Variants in SLC8A3 observed in about 807,000 individuals in gnomAD.
The protein encoded by SLC8A3 is solute carrier family 8 member A3, also known as sodium/calcium exchanger 3.
SLC8A3 carries 37 observed loss-of-function variants against 65.4 expected under a neutral mutation model. That is an observed-to-expected ratio of 0.57 (90% CI 0.44 to 0.74). The LOEUF (loss-of-function observed/expected upper bound fraction) is 0.74, where lower values mean the gene tolerates loss of function less well. Among genes scored for constraint, SLC8A3 ranks in the 30% least tolerant of loss-of-function variants. The probability of loss-of-function intolerance (pLI) is 0.00; values close to 1 mark genes in which losing one functional copy is unlikely to be tolerated. For synonymous variants in SLC8A3, 461 were observed against 444.5 expected (o/e 1.04, Z -0.47); for missense variants, 1,112 against 1,172.1 (o/e 0.95, Z 0.75).
intron 1 of SLC8A3, among the ~76,000 whole-genome samples, chr14:70,178,892 T>C (rs1882473704): frequency 1.3e-5 from 2 of 152,218 alleles, no homozygotes; most frequent in African/African-American, 2.4e-5. Flanking sequence ...GAAAGTCTCT[T>C]TAAAATGTAA....
At chr14:70,152,774 C>T (rs77086208) in intron 2 of SLC8A3, among the ~76,000 whole-genome samples, 1,992 of 152,330 alleles carry the variant, frequency 0.013, 20 homozygotes, top group Non-Finnish European at 0.018. Context: ...GAACTGCGTC[C>T]AATCTGGGCT....
At chr14:70,069,523 C>A (rs187438499) in intron 2 of SLC8A3, among the ~76,000 whole-genome samples, 7 of 152,038 alleles carry the variant, frequency 4.6e-5, no homozygotes, top group South Asian at 4.1e-4. Context: ...GAGCTGCGAA[C>A]CTTTCCATGG....
rs1594871624 is a variant in SLC8A3 at position 70,044,311 on chromosome 14, G to A, written c.*1636C>T. The A allele has an allele frequency of 1.3e-5, 2 of 151,120 alleles. No individual in the cohort carries two copies. Among genetic ancestry groups the A allele is most frequent in the South Asian group, 2.1e-4 (1 of 4,770 alleles). 9.4% of individuals were successfully genotyped at this position (151,120 alleles called of 1,614,324 possible). A position where few individuals can be genotyped will look rare whatever the true frequency, so the allele number is the denominator to read the frequency against. ...CAACATAGCTTATGACATGAGCACT[G>A]TTTCTTTTTTAATTATTTTTTTCTT... On this transcript the variant is annotated 3_prime_UTR_variant, in exon 7 of 7. Transcript: ENST00000356921.
At chr14:70,131,028 G>C (rs1057253288) in intron 2 of SLC8A3, among the ~76,000 whole-genome samples, 20 of 152,326 alleles carry the variant, frequency 1.3e-4, no homozygotes, top group Non-Finnish European at 2.9e-5. Context: ...AGGGGACAAG[G>C]ACAGGACCCT....
intron 1 of SLC8A3, among the ~76,000 whole-genome samples, 158 bp from the exon 2 acceptor site, chr14:70,168,642 C>A (rs943667759): frequency 1.3e-5 from 2 of 152,168 alleles, no homozygotes; most frequent in Admixed American, 1.3e-4. Context: ...ATGGGAGGCA[C>A]AAATAGCTGC....
intron 2 of SLC8A3, among the ~76,000 whole-genome samples, chr14:70,165,397 TTCC>T (rs879289487): frequency 2.6e-5 from 4 of 152,182 alleles, no homozygotes; most frequent in Non-Finnish European, 4.4e-5. Flanking sequence ...CATGAGTTCC[TTCC>T]TCCTCCTCTT....
intron 2 of SLC8A3, among the ~76,000 whole-genome samples, chr14:70,126,555 C>CTCTCTCTCTA (rs1372648438): frequency 1.4e-5 from 1 of 72,634 alleles, no homozygotes; most frequent in Non-Finnish European, 3.4e-5. Context: ...AATTCTCTCT[C>CTCTCTCTCTA]TCTCTCTCTC....
intron 2 of SLC8A3, among the ~76,000 whole-genome samples, chr14:70,138,233 G>C (rs1895344338): frequency 6.6e-6 from 1 of 152,114 alleles, no homozygotes; most frequent in Non-Finnish European, 1.5e-5. Flanking sequence ...CAAATAAAGA[G>C]AGCAGCCACT....
intron 2 of SLC8A3, among the ~76,000 whole-genome samples, chr14:70,155,521 C>T (rs932335988): frequency 3.3e-5 from 5 of 152,138 alleles, no homozygotes; most frequent in Non-Finnish European, 7.3e-5. Flanking sequence ...ACTCTGTGTT[C>T]GCGGGTAAAT....
In SLC8A3 at chr14:70,060,890, C is replaced by T. The variant is rs772551392; in HGVS notation, c.1834G>A (p.Glu612Lys). 1.3e-6 allele frequency: 2 copies of T among 1,530,936 alleles called. No individual in the cohort carries two copies. The highest frequency in any genetic ancestry group is 1.7e-6 in the Non-Finnish European group (2 of 1,143,820). The allele number at this position is 1,530,936 out of a possible 1,614,324, so 94.8% of individuals were successfully genotyped here. The change falls in exon 3 of 7, where the codon GAG (glutamate) becomes AAG (lysine). Residue 612 changes from glutamate (E) to lysine (K), a missense_variant. Transcript: ENST00000356921. ...IVDEEEYERQ[E>K]NFFIALGEPK... is the part of the protein sequence containing the mutation. ...TCACCAAGGGCAATGAAGAAATTCTCTTGCCTTTCGTATTCCTCCTCATCT... is the reference window on the plus strand; with the variant it reads ...TCACCAAGGGCAATGAAGAAATTCTTTTGCCTTTCGTATTCCTCCTCATCT...
At chr14:70,147,643 A>G (rs1481180864) in intron 2 of SLC8A3, among the ~76,000 whole-genome samples, 1 of 152,116 alleles carries the variant, frequency 6.6e-6, no homozygotes, top group East Asian at 1.9e-4. Flanking sequence ...GATGTGAGAG[A>G]TTCTCTCTCC....
At chr14:70,096,029 GT>G (rs1892154892) in intron 2 of SLC8A3, among the ~76,000 whole-genome samples, 4 of 152,024 alleles carry the variant, frequency 2.6e-5, no homozygotes, top group Admixed American at 2.6e-4. Context: ...CTACAGGTGT[GT>G]GCCACCACGC....
intron 2 of SLC8A3, among the ~76,000 whole-genome samples, chr14:70,118,308 G>C (rs948254958): frequency 2.6e-5 from 4 of 152,168 alleles, no homozygotes; most frequent in Non-Finnish European, 5.9e-5. Context: ...AAATGCTCCT[G>C]CTTTATACCC....
Position 70,046,399 on chromosome 14 carries a change from A to G in SLC8A3, c.2390-76T>C. The G allele has an allele frequency of 6.2e-6, 9 of 1,458,430 alleles. No homozygotes were observed. The highest frequency in any genetic ancestry group is 8.3e-6 in the Non-Finnish European group (9 of 1,083,660). The allele number at this position is 1,458,430 out of a possible 1,614,324, so 90.3% of individuals were successfully genotyped here. On this transcript the variant is annotated intron_variant, in intron 6 of 6. Coordinates refer to ENST00000356921, the MANE Select transcript of SLC8A3 (RefSeq NM_182932.3). This position sits in a 1 kb window ranked among gnomAD's most constrained non-coding sequence, Gnocchi z 4.2. Reference sequence around the variant, plus strand: ...GGGCTTGTCTTCCAGTATGCCCAAAAAGCAGCTTGAGCTGGTGGGCTGAAC... The same window carrying G: ...GGGCTTGTCTTCCAGTATGCCCAAAGAGCAGCTTGAGCTGGTGGGCTGAAC...
chr14:70,120,354 T>A (rs1893971481), intron 2 of SLC8A3, among the ~76,000 whole-genome samples: 1 of 152,204 alleles, frequency 6.6e-6, no homozygotes, highest in Non-Finnish European at 1.5e-5. Context: ...TGACTCTTGG[T>A]TACAACTTCT....
intron 2 of SLC8A3, among the ~76,000 whole-genome samples, chr14:70,140,940 G>A (rs897190136): frequency 2.0e-5 from 3 of 152,196 alleles, no homozygotes; most frequent in African/African-American, 7.2e-5. Flanking sequence ...TTCTCTGGAT[G>A]CTTTATAGCA....
chr14:70,055,829 T>C (rs1888052592), intron 3 of SLC8A3: 5 of 1,608,860 alleles, frequency 3.1e-6, no homozygotes, highest in African/African-American at 2.7e-5. Flanking sequence ...TGCAAATGGA[T>C]ACCAGAAAAA....
At chr14:70,101,763 C>T (rs975203997) in intron 2 of SLC8A3, among the ~76,000 whole-genome samples, 1 of 152,196 alleles carries the variant, frequency 6.6e-6, no homozygotes, top group African/African-American at 2.4e-5. Flanking sequence ...TGCAAACTTA[C>T]AATCTTTGAG....
intron 2 of SLC8A3, among the ~76,000 whole-genome samples, chr14:70,109,774 A>G (rs1450672789): frequency 6.6e-6 from 1 of 152,168 alleles, no homozygotes; most frequent in East Asian, 1.9e-4. Flanking sequence ...ATATTTTAAA[A>G]TAAAAAATAA....
Sources: allele counts gnomAD v4.1 joint callset (sites outside exome capture counted in the v4.1 genomes callset), GRCh38; gene constraint gnomAD v4.1.1; non-coding constraint Gnocchi (gnomAD v3.1); transcripts MANE v1.5; gene names NCBI Gene and HGNC (gene_info 2026-07-23, HGNC 2026-07-21).